PTPRM: variants seen among roughly 807,000 people sequenced by gnomAD.
PTPRM encodes the protein protein tyrosine phosphatase receptor type M.
PTPRM carries 47 observed loss-of-function variants against 186.7 expected under a neutral mutation model. That is an observed-to-expected ratio of 0.25 (90% CI 0.20 to 0.32). The LOEUF (loss-of-function observed/expected upper bound fraction) is 0.32. Among genes scored for constraint, PTPRM ranks in the 10% least tolerant of loss-of-function variants. The probability of loss-of-function intolerance (pLI) is 1.00; values close to 1 mark genes in which losing one functional copy is unlikely to be tolerated. For synonymous variants in PTPRM, 668 were observed against 674.9 expected (o/e 0.99, Z 0.16); for missense variants, 1,494 against 1,865.0 (o/e 0.80, Z 3.66).
intron 1 of PTPRM, among the ~76,000 whole-genome samples, chr18:7,673,288 C>T (rs756958462): frequency 1.9e-4 from 29 of 152,276 alleles, no homozygotes; most frequent in Non-Finnish European, 3.5e-4. Flanking sequence ...GTGGAATATA[C>T]ATCAGAAGAC....
chr18:8,179,164 C>T (rs1174338474), intron 14 of PTPRM, among the ~76,000 whole-genome samples: 21 of 152,238 alleles, frequency 1.4e-4, no homozygotes, highest in Admixed American at 1.3e-3. Context: ...TTGTGTCCTG[C>T]TGCGAAAGAA....
chr18:7,766,439 CTCTT>C (rs2042017133), intron 1 of PTPRM, among the ~76,000 whole-genome samples: 1 of 152,198 alleles, frequency 6.6e-6, no homozygotes, highest in Admixed American at 6.5e-5. Context: ...AGGGAGGAGA[CTCTT>C]TCATTGCTGA....
chr18:7,980,049 C>A (rs8099537), intron 7 of PTPRM, among the ~76,000 whole-genome samples: 73,260 of 151,446 alleles, frequency 0.48, 17,784 homozygotes, highest in Non-Finnish European at 0.51. Context: ...TCTATAATGC[C>A]CCTGAGCGTC....
At chr18:8,089,707 T>C (rs2090612651) in intron 11 of PTPRM, among the ~76,000 whole-genome samples, 1 of 152,186 alleles carries the variant, frequency 6.6e-6, no homozygotes, top group Non-Finnish European at 1.5e-5. Context: ...GTTTCTTTTG[T>C]AGAATTTGAT....
chr18:8,064,951 A>T (rs2088944185), intron 7 of PTPRM, among the ~76,000 whole-genome samples: 1 of 152,160 alleles, frequency 6.6e-6, no homozygotes, highest in Non-Finnish European at 1.5e-5. Flanking sequence ...CAGTAGCTGG[A>T]GGTCCTGAAG....
intron 2 of PTPRM, among the ~76,000 whole-genome samples, chr18:7,866,584 G>C (rs972207059): frequency 1.3e-5 from 2 of 152,168 alleles, no homozygotes; most frequent in African/African-American, 4.8e-5. Flanking sequence ...TTTTGCATAT[G>C]CTGAGGAGTG....
At chr18:8,348,945 C>A (rs541215763) in intron 23 of PTPRM, among the ~76,000 whole-genome samples, 1 of 152,248 alleles carries the variant, frequency 6.6e-6, no homozygotes, top group South Asian at 2.1e-4. Context: ...GGACCTCTAT[C>A]ACAGTAGGGG....
At chr18:7,701,062 T>A (rs1367632552) in intron 1 of PTPRM, among the ~76,000 whole-genome samples, 1 of 151,088 alleles carries the variant, frequency 6.6e-6, no homozygotes, top group Admixed American at 6.6e-5. Context: ...TCCTAGCACT[T>A]TGGGAGGCCT....
At chr18:8,358,669 T>C (rs2095578389) in intron 23 of PTPRM, among the ~76,000 whole-genome samples, 1 of 152,188 alleles carries the variant, frequency 6.6e-6, no homozygotes, top group South Asian at 2.1e-4. Flanking sequence ...AACCCAATTA[T>C]AGAGGTATTA....
chr18:7,592,350 A>G (rs1164148036), intron 1 of PTPRM, among the ~76,000 whole-genome samples: 1 of 152,184 alleles, frequency 6.6e-6, no homozygotes. Flanking sequence ...AGAGTAGGCA[A>G]TTTTGCCTTT....
chr18:8,378,458 C>T, intron 27 of PTPRM, 44 bp downstream of exon 27: 6 of 1,600,014 alleles, frequency 3.7e-6, no homozygotes, highest in Non-Finnish European at 5.1e-6. Context: ...TGACTTGCTC[C>T]TCAAGAAGGA....
intron 8 of PTPRM, among the ~76,000 whole-genome samples, chr18:8,072,102 G>A (rs1831841336): frequency 6.6e-6 from 1 of 152,008 alleles, no homozygotes; most frequent in Non-Finnish European, 1.5e-5. Flanking sequence ...AGTACTGTCT[G>A]TTTTTCTTCT....
At chr18:7,689,058 C>T (rs1568030889) in intron 1 of PTPRM, among the ~76,000 whole-genome samples, 1 of 152,108 alleles carries the variant, frequency 6.6e-6, no homozygotes, top group Non-Finnish European at 1.5e-5. Context: ...AGGAATATGG[C>T]ATGTCCTGTT....
At chr18:7,838,613 C>G (rs1210130918) in intron 2 of PTPRM, among the ~76,000 whole-genome samples, 1 of 152,246 alleles carries the variant, frequency 6.6e-6, no homozygotes, top group East Asian at 1.9e-4. Context: ...CTGGGTCAAA[C>G]CTGAAGCCTG....
chr18:7,917,083 C>G (rs1010410225), intron 4 of PTPRM, among the ~76,000 whole-genome samples: 3 of 152,116 alleles, frequency 2.0e-5, no homozygotes, highest in Admixed American at 1.3e-4. Context: ...TGTATGTACT[C>G]TAGGCACATC....
intron 7 of PTPRM, among the ~76,000 whole-genome samples, chr18:8,000,059 T>A (rs1188347832): frequency 5.3e-5 from 8 of 152,172 alleles, no homozygotes; most frequent in Admixed American, 4.6e-4. Context: ...ATTACCAGTC[T>A]CTTTGTTGTA....
chr18:7,818,136 A>G (rs1476935091), intron 2 of PTPRM, among the ~76,000 whole-genome samples: 2 of 152,186 alleles, frequency 1.3e-5, no homozygotes, highest in Non-Finnish European at 2.9e-5. Flanking sequence ...GTTGTGTGGG[A>G]AAAATGTCAC....
intron 14 of PTPRM, among the ~76,000 whole-genome samples, chr18:8,196,223 C>G (rs1291262820): frequency 2.0e-5 from 3 of 152,214 alleles, no homozygotes; most frequent in East Asian, 3.9e-4. Flanking sequence ...GGCCTGTCAC[C>G]TTAATCCCTT....
chr18:7,613,823 A>G (rs116894440), intron 1 of PTPRM, among the ~76,000 whole-genome samples: 1,919 of 152,312 alleles, frequency 0.013, 20 homozygotes, highest in Middle Eastern at 0.02. Flanking sequence ...TGTCCCTTCC[A>G]ATTGGTTTAA....
Sources: gnomAD v4.1 joint callset for allele counts (sites outside exome capture counted in the v4.1 genomes callset) on GRCh38, gnomAD v4.1.1 for gene constraint, MANE v1.5 for transcripts, NCBI Gene and HGNC (gene_info 2026-07-23, HGNC 2026-07-21) for gene names.